Variants in TRIM69 observed in about 807,000 individuals in gnomAD.
The protein encoded by TRIM69 is E3 ubiquitin-protein ligase TRIM69.
A neutral mutation model predicts 37.7 loss-of-function variants in TRIM69; 29 were observed. The ratio of observed to expected loss-of-function variants is 0.77; its 90% confidence interval spans 0.57 to 1.05. The LOEUF (loss-of-function observed/expected upper bound fraction) is 1.05, where lower values mean the gene tolerates loss of function less well. TRIM69 is among the 50% of genes least tolerant of loss of function. The probability of loss-of-function intolerance (pLI) is 0.00; values close to 1 mark genes in which losing one functional copy is unlikely to be tolerated. For synonymous variants in TRIM69, 209 were observed against 212.4 expected (o/e 0.98, Z 0.14); for missense variants, 596 against 579.9 (o/e 1.03, Z -0.28).
chr15:44,755,432 A>G (rs1168015959), intron 2 of TRIM69, 56 bp downstream of exon 2: 1 of 1,286,300 alleles, frequency 7.8e-7, no homozygotes, highest in Non-Finnish European at 1.1e-6. Context: ...AAAATATTTC[A>G]TAGGGCTTCT....
intron 1 of TRIM69, among the ~76,000 whole-genome samples, chr15:44,738,050 C>CTTTTTTTTTTT (rs772041054): frequency 8.5e-6 from 1 of 118,020 alleles, no homozygotes; most frequent in African/African-American, 3.3e-5. Context: ...TACTTTCTTT[C>CTTTTTTTTTTT]TTTCTTTTTT....
At chr15:44,763,470 T>C (rs1482326543) in intron 6 of TRIM69, among the ~76,000 whole-genome samples, 1 of 152,222 alleles carries the variant, frequency 6.6e-6, no homozygotes, top group Non-Finnish European at 1.5e-5. Context: ...TCCACTGTAC[T>C]CTTTTTCCCT....
intron 1 of TRIM69, among the ~76,000 whole-genome samples, chr15:44,740,861 AT>A (rs1304677199): frequency 6.6e-6 from 1 of 152,164 alleles, no homozygotes; most frequent in Admixed American, 6.5e-5. Context: ...CCACACAATA[AT>A]AATGGGAGAT....
At chr15:44,759,101 T>C (rs1013358711) in intron 4 of TRIM69, among the ~76,000 whole-genome samples, 2 of 152,218 alleles carry the variant, frequency 1.3e-5, no homozygotes, top group Admixed American at 1.3e-4. Flanking sequence ...TAATAGTATA[T>C]AGTAATGGTT....
chr15:44,752,052 G>C (rs2087544841), intron 1 of TRIM69, among the ~76,000 whole-genome samples: 2 of 152,030 alleles, frequency 1.3e-5, no homozygotes, highest in South Asian at 4.1e-4. Flanking sequence ...ACTGTGCACA[G>C]CCTGTATTTT....
At chr15:44,737,105 A>G (rs1362671875) in intron 1 of TRIM69, among the ~76,000 whole-genome samples, 2 of 152,158 alleles carry the variant, frequency 1.3e-5, no homozygotes, top group African/African-American at 4.8e-5. Flanking sequence ...AACATTTTTA[A>G]TTGAATTCTT....
At chr15:44,750,882 G>A (rs553482768) in intron 1 of TRIM69, among the ~76,000 whole-genome samples, 6 of 145,852 alleles carry the variant, frequency 4.1e-5, no homozygotes, top group Admixed American at 2.0e-4. Flanking sequence ...CTGCCACCAC[G>A]CCTGGCTGAT....
chr15:44,755,463 CT>C, intron 2 of TRIM69, 87 bp downstream of exon 2: 1 of 985,090 alleles, frequency 1.0e-6, no homozygotes, highest in Non-Finnish European at 1.5e-6. Flanking sequence ...AACCCCATCC[CT>C]TTATTCAAAT....
intron 1 of TRIM69, among the ~76,000 whole-genome samples, chr15:44,747,831 G>A (rs1293802305): frequency 6.6e-6 from 1 of 152,198 alleles, no homozygotes; most frequent in African/African-American, 2.4e-5. Context: ...AATGAGAATG[G>A]AATTTGATCA....
chr15:44,767,172 G>A, intron 6 of TRIM69, 59 bp from the exon 7 acceptor site: 1 of 1,402,922 alleles, frequency 7.1e-7, no homozygotes, highest in East Asian at 2.3e-5. Context: ...CTTTTACTGT[G>A]GGAATTTGTG....
intron 1 of TRIM69, among the ~76,000 whole-genome samples, chr15:44,750,300 T>A (rs539964783): frequency 1.3e-5 from 2 of 152,340 alleles, no homozygotes; most frequent in African/African-American, 2.4e-5. Context: ...TCTTGTTTTT[T>A]TGGAAGAGTT....
chr15:44,739,941 T>G (rs550709347), intron 1 of TRIM69, among the ~76,000 whole-genome samples: 6 of 150,598 alleles, frequency 4.0e-5, no homozygotes, highest in African/African-American at 1.5e-4. Flanking sequence ...AGTGGGTCCC[T>G]GACCCCTGAC....
In TRIM69 at chr15:44,758,761, G is replaced by T; in HGVS notation, c.720G>T (p.Leu240=). 1 of 1,614,164 alleles carries T rather than the reference G, an allele frequency of 6.2e-7. No homozygotes were observed. The highest frequency in any genetic ancestry group is 8.5e-7 in the Non-Finnish European group (1 of 1,180,016). Reference sequence around the variant, plus strand: ...TGAATGAGGAGATGGAGTTGAATCTGAGCCAGCTTCAGGAGCAATGTCTCT... The same window carrying T: ...TGAATGAGGAGATGGAGTTGAATCTTAGCCAGCTTCAGGAGCAATGTCTCT... ...KALNEEMELN[L]SQLQEQCLLA... The change falls in exon 4 of 7, where the codon CTG becomes CTT. Residue 240 remains leucine, a synonymous_variant. Coordinates refer to ENST00000329464, the MANE Select transcript of TRIM69 (RefSeq NM_182985.5).
intron 6 of TRIM69, among the ~76,000 whole-genome samples, 179 bp from the exon 7 acceptor site, chr15:44,767,052 T>TAAAAAAAAAAA: frequency 1.9e-3 from 3 of 1,600 alleles, no homozygotes; most frequent in Admixed American, 0.026. Context: ...CTTGTCTGCC[T>TAAAAAAAAAAA]CAAAAAAAAA....
chr15:44,741,308 T>C (rs34205103), intron 1 of TRIM69, among the ~76,000 whole-genome samples: 111,019 of 148,012 alleles, frequency 0.75, 42,557 homozygotes, highest in Middle Eastern at 0.84. Context: ...CTGGGACACA[T>C]TCAAAGCAGT....
chr15:44,761,527 G>A (rs985680596), intron 6 of TRIM69, among the ~76,000 whole-genome samples: 2 of 152,058 alleles, frequency 1.3e-5, no homozygotes. Flanking sequence ...GTACAGTGGT[G>A]CATCTCAACT....
intron 4 of TRIM69, 84 bp downstream of exon 4, chr15:44,758,938 T>C: frequency 6.7e-7 from 1 of 1,484,454 alleles, no homozygotes; most frequent in South Asian, 1.3e-5. Context: ...AAGTGGCTTT[T>C]CACATCCAGG....
rs773490840 is a variant in TRIM69, at chr15:44,767,383, G to A, written c.1114G>A (p.Gly372Ser). ...AAGTGTGGCTGTACTGGGCTCAAGA[G>A]GCTTCACCTCTGGAAAGTGGTACTG... is the stretch of plus-strand genomic sequence containing the variant. ...DSSVAVLGSR[G>S]FTSGKWYWEV... The change falls in exon 7 of 7, where the codon GGC becomes AGC. Residue 372 changes from glycine (G) to serine (S), a missense_variant. Gly to Ser is a moderately conservative substitution (Grantham distance 56). Transcript: ENST00000329464. 1.2e-6 allele frequency: 2 copies of A among 1,614,164 alleles called. No individual in the cohort carries two copies. The highest frequency in any genetic ancestry group is 2.2e-5 in the East Asian group (1 of 44,880).
At chr15:44,764,038 G>A (rs1223560221) in intron 6 of TRIM69, among the ~76,000 whole-genome samples, 2 of 152,212 alleles carry the variant, frequency 1.3e-5, no homozygotes, top group Admixed American at 1.3e-4. Flanking sequence ...TTCACTGCAT[G>A]CATGTGCAGA....
Sources: allele counts gnomAD v4.1 joint callset (sites outside exome capture counted in the v4.1 genomes callset), GRCh38; gene constraint gnomAD v4.1.1; transcripts MANE v1.5; gene names NCBI Gene and HGNC (gene_info 2026-07-23, HGNC 2026-07-21).